Variants in C3orf20 observed in about 807,000 individuals in gnomAD.
The protein encoded by C3orf20 is uncharacterized protein C3orf20.
C3orf20 carries 76 observed loss-of-function variants against 88.3 expected under a neutral mutation model. The ratio of observed to expected loss-of-function variants is 0.86; its 90% confidence interval spans 0.72 to 1.04. C3orf20 has a LOEUF of 1.04. Among genes scored for constraint, C3orf20 ranks in the 50% least tolerant of loss-of-function variants. C3orf20 has a pLI of 0.00. For missense variants in C3orf20, 1,056 were observed against 1,123.3 expected, an observed-to-expected ratio of 0.94 and a Z score of 0.86; for synonymous variants, 436 against 437.4, an observed-to-expected ratio of 1.00 and a Z score of 0.04.
chr3:14,684,167 T>C, intron 3 of C3orf20, 75 bp from the exon 4 acceptor site: 1 of 1,576,756 alleles, frequency 6.3e-7, no homozygotes, highest in Non-Finnish European at 8.6e-7. Flanking sequence ...TCCTGGGCCA[T>C]TTACAGAGGT....
intron 10 of C3orf20, among the ~76,000 whole-genome samples, chr3:14,726,042 C>G (rs1260482942): frequency 1.3e-5 from 2 of 152,220 alleles, no homozygotes; most frequent in Non-Finnish European, 2.9e-5. Context: ...TGCAGTGCCA[C>G]TGACATGCCC....
chr3:14,715,575 T>C (rs1459861410), intron 9 of C3orf20, among the ~76,000 whole-genome samples, 166 bp downstream of exon 9: 1 of 152,262 alleles, frequency 6.6e-6, no homozygotes, highest in African/African-American at 2.4e-5. Flanking sequence ...CCCAAGTTGG[T>C]GGATGGTGGT....
intron 12 of C3orf20, among the ~76,000 whole-genome samples, chr3:14,747,721 T>C (rs1482424892): frequency 6.6e-6 from 1 of 152,200 alleles, no homozygotes. Flanking sequence ...TCAATTTTGG[T>C]CTGGTCATTT....
chr3:14,738,347 T>TA (rs2034788041), intron 12 of C3orf20, among the ~76,000 whole-genome samples: 1 of 150,642 alleles, frequency 6.6e-6, no homozygotes, highest in African/African-American at 2.4e-5. Flanking sequence ...TTTTTTTTTT[T>TA]AGATGGAGTC....
intron 10 of C3orf20, among the ~76,000 whole-genome samples, chr3:14,723,952 G>A (rs894247603): frequency 7.9e-5 from 12 of 151,864 alleles, no homozygotes; most frequent in East Asian, 1.9e-4. Context: ...TCAGACTCTC[G>A]AGGATTACAG....
intron 14 of C3orf20, among the ~76,000 whole-genome samples, chr3:14,760,652 C>T (rs2035533088): frequency 7.1e-6 from 1 of 140,868 alleles, no homozygotes; most frequent in Admixed American, 7.5e-5. Context: ...CTCTCTCACC[C>T]AGGCTGGAGT....
At chr3:14,763,727 G>A (rs977298813) in intron 15 of C3orf20, among the ~76,000 whole-genome samples, 6 of 152,142 alleles carry the variant, frequency 3.9e-5, no homozygotes, top group African/African-American at 1.2e-4. Context: ...CTCTCTGTGC[G>A]CCAGCTTCTT....
chr3:14,715,593 G>A (rs895629877), intron 9 of C3orf20, among the ~76,000 whole-genome samples, 184 bp downstream of exon 9: 27 of 152,358 alleles, frequency 1.8e-4, no homozygotes, highest in Admixed American at 9.1e-4. Context: ...GGTCCAGGTT[G>A]GCTGAAGGGA....
chr3:14,757,595 C>G lies in C3orf20; in HGVS notation c.2165C>G (p.Thr722Ser), dbSNP rs199661018. ...VFGIISSQNYTSTGQLQWLLN... is the reference protein window; with the variant it reads ...VFGIISSQNYSSTGQLQWLLN... ...GGGATCATCTCAAGCCAGAACTACA[C>G]CAGCACTGGGCAGCTCCAGTGGCTG... The change falls in exon 13 of 17, where the codon ACC becomes AGC. Residue 722 changes from threonine to serine, a missense_variant. Thr to Ser is a moderately conservative substitution (Grantham distance 58). Coordinates refer to ENST00000253697, the MANE Select transcript of C3orf20 (RefSeq NM_032137.5). 5 of 1,614,096 alleles carry G rather than the reference C, an allele frequency of 3.1e-6. No individual in the cohort carries two copies. The South Asian group carries it at 4.4e-5, about 14-fold the overall frequency.
intron 12 of C3orf20, among the ~76,000 whole-genome samples, chr3:14,731,299 A>C (rs1405228343): frequency 6.6e-6 from 1 of 152,168 alleles, no homozygotes; most frequent in Non-Finnish European, 1.5e-5. Flanking sequence ...ATTCATCCAT[A>C]TTGTTACATG....
Position 14,691,586 on chromosome 3 carries a change from C to CAG in C3orf20, c.745+1481_745+1482dup, listed in dbSNP as rs199845484. On this transcript the variant is annotated intron_variant, in intron 5 of 16. Transcript: ENST00000253697. ...CCAAAAATATTAAGATATTTTGAGG[C>CAG]AGAGAGAGAGAGGGACCACATTCAT... Among the ~76,000 whole-genome samples the CAG allele has an allele frequency of 2.0e-5, 3 of 151,556 alleles. No homozygotes were observed. In the South Asian group the frequency reaches 6.2e-4, roughly 31 times the overall value.
chr3:14,714,264 C>A lies in C3orf20; in HGVS notation c.1313+105C>A, dbSNP rs996541236. On this transcript the variant is annotated intron_variant, in intron 8 of 16. Coordinates refer to ENST00000253697, the MANE Select transcript of C3orf20 (RefSeq NM_032137.5). ...GTCCCTGGTTAAAGAAGAAGCCAGG[C>A]GGTGTCCAGAGATCTAGTAAGGCAG... 2.2e-5 allele frequency: 28 copies of A among 1,294,140 alleles called. No homozygotes were observed. In the African/African-American group the frequency reaches 3.1e-4, roughly 14 times the overall value. The allele number at this position is 1,294,140 out of a possible 1,614,324, so 80.2% of individuals were successfully genotyped here.
chr3:14,744,524 G>A (rs552430629), intron 12 of C3orf20, among the ~76,000 whole-genome samples: 2 of 151,882 alleles, frequency 1.3e-5, no homozygotes, highest in African/African-American at 4.8e-5. Flanking sequence ...CCACATTTTC[G>A]GGTATCTTTT....
At position 14,757,544 on chromosome 3, in the gene C3orf20, G is replaced by A. The variant is rs561343566; in HGVS notation, c.2114G>A (p.Arg705Gln). 1.1e-5 allele frequency: 17 copies of A among 1,614,106 alleles called. No homozygotes were observed. Among genetic ancestry groups the A allele is most frequent in the Middle Eastern group, 1.7e-4 (1 of 6,054 alleles). The change falls in exon 13 of 17, where the codon CGA (arginine) becomes CAA (glutamine). Residue 705 changes from arginine to glutamine, a missense_variant. Transcript: ENST00000253697. ...VELERFLLAP[R>Q]DPSQVLVFGI... is the part of the protein sequence containing the mutation. ...CTGGAGCGCTTCCTGTTGGCGCCCC[G>A]AGACCCCAGCCAAGTGCTGGTGTTT... is the stretch of plus-strand genomic sequence containing the variant.
chr3:14,685,856 C>CTTTTTT (rs71038423), intron 4 of C3orf20, among the ~76,000 whole-genome samples: 1 of 68,378 alleles, frequency 1.5e-5, no homozygotes. Flanking sequence ...GCAGGATTTC[C>CTTTTTT]TTTTTTTTTT....
chr3:14,760,522 A>G (rs2035526356), intron 14 of C3orf20, among the ~76,000 whole-genome samples: 1 of 151,802 alleles, frequency 6.6e-6, no homozygotes, highest in Admixed American at 6.6e-5. Flanking sequence ...TCTTCTTTTT[A>G]AATTAAAATA....
At chr3:14,757,767 G>A in intron 13 of C3orf20, 93 bp downstream of exon 13, 1 of 1,260,832 alleles carries the variant, frequency 7.9e-7, no homozygotes, top group Non-Finnish European at 1.1e-6. Flanking sequence ...GACTGGCTGA[G>A]CACCTGCCTG....
intron 5 of C3orf20, 59 bp downstream of exon 5, chr3:14,690,175 G>C: frequency 6.2e-7 from 1 of 1,610,050 alleles, no homozygotes; most frequent in Non-Finnish European, 8.5e-7. Context: ...GTGGGGGATA[G>C]GTTTCCGTCT....
At chr3:14,728,767 T>C in intron 12 of C3orf20, 79 bp downstream of exon 12, 4 of 1,470,482 alleles carry the variant, frequency 2.7e-6, no homozygotes, top group Non-Finnish European at 3.7e-6. Context: ...ACCCAACAGA[T>C]GGGGCCCCTC....
Sources: gnomAD v4.1 joint callset for allele counts (sites outside exome capture counted in the v4.1 genomes callset) on GRCh38, gnomAD v4.1.1 for gene constraint, MANE v1.5 for transcripts, NCBI Gene and HGNC (gene_info 2026-07-23, HGNC 2026-07-21) for gene names.